The following LYRM4 variants were observed in gnomAD, a reference collection of about 807,000 sequenced individuals.
The protein encoded by LYRM4 is LYR motif containing 4.
In LYRM4, 9 loss-of-function variants were observed where a neutral mutation model predicts 11.7. That is an observed-to-expected ratio of 0.77 (90% confidence interval 0.46 to 1.34). LYRM4 has a LOEUF of 1.34. Among genes scored for constraint, LYRM4 ranks in the 40% most tolerant of loss-of-function variants. The pLI is 0.00. For missense variants in LYRM4, 133 were observed against 112.5 expected (o/e 1.18, Z -0.82); for synonymous variants, 42 against 40.4 (o/e 1.04, Z -0.15).
chr6:5,144,327 G>A, intron 2 of LYRM4: 1 of 1,524,472 alleles, frequency 6.6e-7, no homozygotes, highest in Non-Finnish European at 8.8e-7. Context: ...AAAAAGAAGT[G>A]GCTTACGTGT....
At chr6:5,139,004 A>C (rs1438026412) in intron 2 of LYRM4, among the ~76,000 whole-genome samples, 3 of 152,244 alleles carry the variant, frequency 2.0e-5, no homozygotes, top group Non-Finnish European at 4.4e-5. Context: ...TCTCAAAAGA[A>C]GAGTAATATT....
intron 2 of LYRM4, among the ~76,000 whole-genome samples, chr6:5,178,468 G>C (rs1759851270): frequency 6.9e-6 from 1 of 145,910 alleles, no homozygotes; most frequent in African/African-American, 2.5e-5. Context: ...TTTTAATTAA[G>C]CTTCTAAAAG....
intron 2 of LYRM4, among the ~76,000 whole-genome samples, chr6:5,154,438 G>C (rs1021599958): frequency 6.0e-5 from 7 of 117,272 alleles, no homozygotes; most frequent in Non-Finnish European, 1.1e-4. Flanking sequence ...GTGCTGGACA[G>C]AGAGTGGCAT....
At chr6:5,219,360 A>AT (rs78676509) in intron 1 of LYRM4, among the ~76,000 whole-genome samples, 8,164 of 152,234 alleles carry the variant, frequency 0.054, 484 homozygotes, top group East Asian at 0.34. Flanking sequence ...GCAGCTCTAG[A>AT]TCTTGGAATT....
chr6:5,048,808 A>T, the LYRM4 span, among the ~76,000 whole-genome samples: 7 of 152,342 alleles, frequency 4.6e-5, no homozygotes, highest in East Asian at 1.4e-3. Context: ...GAGCAATTGC[A>T]TAAAGAAACG....
intron 2 of LYRM4, among the ~76,000 whole-genome samples, chr6:5,200,842 T>A (rs937814747): frequency 1.5e-5 from 2 of 129,908 alleles, no homozygotes; most frequent in African/African-American, 5.1e-5. Flanking sequence ...TGTAGGTGGT[T>A]CTGACGTACA....
rs555034132 is a variant in LYRM4, at chr6:5,120,411, G to T, written c.208-10920C>A. 3.9e-5 allele frequency among the ~76,000 whole-genome samples: 6 copies of T among 152,214 alleles called. No homozygotes were observed. The East Asian group carries it at 9.6e-4, about 24-fold the overall frequency. On this transcript the variant is annotated intron_variant, in intron 2 of 2. Transcript: ENST00000330636. The stretch of plus-strand genomic sequence containing the variant: ...AGTTTGTTCCTTCTGGTGGGTTCGT[G>T]GTCTCTCTGACTTCAGGAATGAAGC...
chr6:5,241,389 G>A (rs1290072093), intron 1 of LYRM4, among the ~76,000 whole-genome samples: 1 of 152,228 alleles, frequency 6.6e-6, no homozygotes, highest in African/African-American at 2.4e-5. Context: ...ATTTGTGTAA[G>A]TATGGAGGAG....
the LYRM4 span, among the ~76,000 whole-genome samples, chr6:5,073,010 T>C: frequency 3.1e-3 from 469 of 152,310 alleles, 2 homozygotes; most frequent in African/African-American, 0.011. Context: ...ATAATACATT[T>C]TCCTTTATAT....
chr6:5,196,374 C>T (rs1023165231), intron 2 of LYRM4, among the ~76,000 whole-genome samples: 1 of 152,214 alleles, frequency 6.6e-6, no homozygotes, highest in African/African-American at 2.4e-5. Flanking sequence ...ATCCAGGCCT[C>T]ATCCTCCTTT....
the LYRM4 span, chr6:5,085,620 G>C: frequency 6.5e-7 from 1 of 1,548,130 alleles, no homozygotes; most frequent in East Asian, 2.4e-5. Flanking sequence ...GTGGCGCTTC[G>C]GAGACCCCGA....
At chr6:5,180,871 G>C (rs1760031418) in intron 2 of LYRM4, among the ~76,000 whole-genome samples, 1 of 152,174 alleles carries the variant, frequency 6.6e-6, no homozygotes, top group African/African-American at 2.4e-5. Flanking sequence ...AGTGAAGTAT[G>C]TCACTCACCT....
chr6:5,253,797 G>A (rs1764544070), intron 1 of LYRM4, among the ~76,000 whole-genome samples: 1 of 147,924 alleles, frequency 6.8e-6, no homozygotes, highest in Non-Finnish European at 1.5e-5. Flanking sequence ...AAATGCAAAT[G>A]TGAAAAACCT....
At chr6:5,253,453 GT>G (rs958938746) in intron 1 of LYRM4, among the ~76,000 whole-genome samples, 69 of 151,406 alleles carry the variant, frequency 4.6e-4, no homozygotes, top group Admixed American at 2.2e-3. Flanking sequence ...ATGACTTGCT[GT>G]TTATGTTTAT....
the LYRM4 span, among the ~76,000 whole-genome samples, chr6:5,097,646 C>G: frequency 6.6e-6 from 1 of 152,166 alleles, no homozygotes; most frequent in Non-Finnish European, 1.5e-5. Context: ...CCACTGTACC[C>G]GGCCAATAAA....
chr6:5,063,503 G>A, the LYRM4 span, among the ~76,000 whole-genome samples: 3 of 152,076 alleles, frequency 2.0e-5, no homozygotes, highest in East Asian at 5.8e-4. Context: ...TGTCGCCATG[G>A]GACGCTACTT....
At chr6:5,197,283 G>A (rs571639329) in intron 2 of LYRM4, among the ~76,000 whole-genome samples, 3 of 152,154 alleles carry the variant, frequency 2.0e-5, no homozygotes, top group African/African-American at 7.2e-5. Context: ...TGGTTGAAGG[G>A]GGGGGCCAAG....
At chr6:5,055,041 T>C in the LYRM4 span, among the ~76,000 whole-genome samples, 3 of 152,222 alleles carry the variant, frequency 2.0e-5, no homozygotes, top group African/African-American at 2.4e-5. The surrounding 1 kb of genome is among the most constrained non-coding windows in gnomAD (Gnocchi z 4.5). Context: ...TTATTCTCTC[T>C]GAAACCTGCT....
chr6:5,155,875 T>C (rs992116486), intron 2 of LYRM4, among the ~76,000 whole-genome samples: 2 of 152,258 alleles, frequency 1.3e-5, no homozygotes, highest in African/African-American at 4.8e-5. Flanking sequence ...GTATTATACA[T>C]GTTCCCTGTG....
Sources: allele counts gnomAD v4.1 joint callset (sites outside exome capture counted in the v4.1 genomes callset), GRCh38; gene constraint gnomAD v4.1.1; non-coding constraint Gnocchi (gnomAD v3.1); transcripts MANE v1.5; gene names NCBI Gene and HGNC (gene_info 2026-07-23, HGNC 2026-07-21).